FLNB: variants seen among roughly 807,000 people sequenced by gnomAD.
FLNB encodes the protein filamin B, also known as filamin-B.
A neutral mutation model predicts 250.6 loss-of-function variants in FLNB; 111 were observed. That is an observed-to-expected ratio of 0.44 (90% CI 0.38 to 0.52). The LOEUF (loss-of-function observed/expected upper bound fraction) is 0.52, where lower values mean the gene tolerates loss of function less well. Ranked by LOEUF, FLNB falls within the 20% of genes least tolerant of loss-of-function variation. The pLI is 0.00. For missense variants in FLNB, 2,869 were observed against 3,447.8 expected (o/e 0.83, Z 4.20); for synonymous variants, 1,302 against 1,372.1 (o/e 0.95, Z 1.13).
chr3:58,056,101 A>ATTTT lies in FLNB; in HGVS notation c.293-20942_293-20941insTTTT, dbSNP rs1170400791. On this transcript the variant is annotated intron_variant, in intron 1 of 45. Coordinates refer to ENST00000295956, the MANE Select transcript of FLNB (RefSeq NM_001457.4). ...TATTTATTTATTTATTTATTTATTTATTTATTTTTTTTTTTTTTGAGGTGG... is the reference window on the plus strand; with the variant it reads ...TATTTATTTATTTATTTATTTATTTATTTTTTTATTTTTTTTTTTTTTGAGGTGG... Among the ~76,000 whole-genome samples the ATTTT allele has an allele frequency of 6.9e-5, 9 of 131,182 alleles. No individual in the cohort carries two copies. In the East Asian group the frequency reaches 8.0e-4, roughly 12 times the overall value. 86.1% of individuals were successfully genotyped at this position (131,182 alleles called of 152,430 possible). A position where few individuals can be genotyped will look rare whatever the true frequency, so the allele number is the denominator to read the frequency against.
In FLNB at chr3:58,126,753, C is replaced by A. The variant is rs1300954475; in HGVS notation, c.4213C>A (p.His1405Asn). The A allele has an allele frequency of 7.4e-6, 12 of 1,613,482 alleles. No individual in the cohort carries two copies. The highest frequency in any genetic ancestry group is 1.0e-5 in the Non-Finnish European group (12 of 1,179,638). The change falls in exon 24 of 46, where the codon CAC becomes AAC. Residue 1405 changes from histidine to asparagine, a missense_variant. Coordinates refer to ENST00000295956, the MANE Select transcript of FLNB (RefSeq NM_001457.4). ...TGTTAATATCACATATGGAGGAGCCCACATCCCCGGTGAGCTATTCCTCAG... is the reference window on the plus strand; with the variant it reads ...TGTTAATATCACATATGGAGGAGCCAACATCCCCGGTGAGCTATTCCTCAG... Reference protein sequence around the residue: ...YDVNITYGGAHIPGSPFRVPV... With the variant: ...YDVNITYGGANIPGSPFRVPV...
Position 58,169,183 on chromosome 3 carries a change from A to C in FLNB, c.7418-407A>C. 2 of 273,648 alleles carry C rather than the reference A, an allele frequency of 7.3e-6. No individual in the cohort carries two copies. Among genetic ancestry groups the C allele is most frequent in the Non-Finnish European group, 1.4e-5 (2 of 142,482 alleles). 17.0% of individuals were successfully genotyped at this position (273,648 alleles called of 1,614,324 possible). A position where few individuals can be genotyped will look rare whatever the true frequency, so the allele number is the denominator to read the frequency against. On this transcript the variant is annotated intron_variant, in intron 44 of 45. Transcript: ENST00000295956. The surrounding 1 kb of genome is among the most constrained non-coding windows in gnomAD (Gnocchi z 4.8). The stretch of plus-strand genomic sequence containing the variant: ...CAGGAAAATTAGAAAATTCAGATAG[A>C]AAAATCATCCTTTCTCATCCACAGA...
chr3:58,061,776 G>A lies in FLNB; in HGVS notation c.293-15270G>A, dbSNP rs570099262. On this transcript the variant is annotated intron_variant, in intron 1 of 45. Transcript: ENST00000295956. ...AAAAAAAAAAAAAAAAGTAACATAT[G>A]TAGTTTAAATTTTAAAAATTAAATT... Among the ~76,000 whole-genome samples the A allele has an allele frequency of 1.6e-3, 239 of 148,518 alleles. 1 individual carries two copies. The highest frequency in any genetic ancestry group is 0.014 in the Admixed American group (213 of 14,854).
chr3:58,167,649 C>A (rs1316249368), intron 43 of FLNB, among the ~76,000 whole-genome samples: 1 of 152,248 alleles, frequency 6.6e-6, no homozygotes, highest in East Asian at 1.9e-4. Flanking sequence ...AGCTCCACTG[C>A]CCATCCAGGG....
At chr3:58,146,114 T>C (rs1575456827) in intron 33 of FLNB, 65 bp downstream of exon 33, 2 of 1,586,224 alleles carry the variant, frequency 1.3e-6, no homozygotes, top group East Asian at 4.5e-5. Context: ...GTGGACACGG[T>C]TCCAGGGTGG....
intron 1 of FLNB, among the ~76,000 whole-genome samples, chr3:58,040,259 C>T (rs369807353): frequency 5.9e-5 from 9 of 152,324 alleles, no homozygotes; most frequent in South Asian, 2.1e-4. Context: ...CCTGACCCAG[C>T]GAGCCAAAGC....
chr3:58,169,637 C>T lies in FLNB; in HGVS notation c.7465C>T (p.Leu2489=). Residue 2489 remains leucine, a synonymous_variant, in exon 45 of 46, where the codon CTG becomes TTG. Transcript: ENST00000295956. This position sits in a 1 kb window ranked among gnomAD's most constrained non-coding sequence, Gnocchi z 4.8. The part of the protein sequence containing the change: ...PGSANETSSI[L]VESVTRSSTE... ...CTCAGCCAACGAGACCTCATCCATC[C>T]TGGTGGAGTCAGTGACCAGGTCGTC... The T allele has an allele frequency of 6.2e-7, 1 of 1,614,180 alleles. No homozygotes were observed. The highest frequency in any genetic ancestry group is 1.1e-5 in the South Asian group (1 of 91,082).
chr3:58,080,986 G>A (rs1000372083), intron 3 of FLNB, among the ~76,000 whole-genome samples: 1 of 151,650 alleles, frequency 6.6e-6, no homozygotes, highest in Non-Finnish European at 1.5e-5. Context: ...TAGAGACTGG[G>A]TTTTACCATG....
intron 1 of FLNB, among the ~76,000 whole-genome samples, chr3:58,070,313 G>A (rs2097192273): frequency 6.6e-6 from 1 of 152,116 alleles, no homozygotes; most frequent in Admixed American, 6.5e-5. Flanking sequence ...CAAAGTGCCA[G>A]GATTACAGGC....
intron 16 of FLNB, among the ~76,000 whole-genome samples, chr3:58,111,393 CT>C (rs577173464): frequency 1.3e-4 from 20 of 152,328 alleles, no homozygotes; most frequent in African/African-American, 4.8e-4. Flanking sequence ...ATCATTCTGT[CT>C]CTGATCACTT....
At position 58,141,725 on chromosome 3, in the gene FLNB, G is replaced by A. The variant is rs529484691; in HGVS notation, c.5110-133G>A. Reference sequence around the variant, plus strand: ...TGCCTTCCAAAAGGGCAGTAAGAAAGTGTCCTTCGCTAGAGTGAGTGGCTC... The same window carrying A: ...TGCCTTCCAAAAGGGCAGTAAGAAAATGTCCTTCGCTAGAGTGAGTGGCTC... On this transcript the variant is annotated intron_variant, in intron 29 of 45. Transcript: ENST00000295956. 285 of 852,910 alleles carry A rather than the reference G, an allele frequency of 3.3e-4. No individual in the cohort carries two copies. In the African/African-American group the frequency reaches 4.3e-3, roughly 13 times the overall value. The allele number at this position is 852,910 out of a possible 1,614,324, so 52.8% of individuals were successfully genotyped here. A position where few individuals can be genotyped will look rare whatever the true frequency, so the allele number is the denominator to read the frequency against.
At chr3:58,023,638 C>T (rs2097117937) in intron 1 of FLNB, among the ~76,000 whole-genome samples, 1 of 152,144 alleles carries the variant, frequency 6.6e-6, no homozygotes, top group Non-Finnish European at 1.5e-5. Flanking sequence ...TAATTTTGGT[C>T]ATACTGATGG....
chr3:58,016,684 C>T (rs1466878869), intron 1 of FLNB, among the ~76,000 whole-genome samples: 1 of 151,904 alleles, frequency 6.6e-6, no homozygotes, highest in Non-Finnish European at 1.5e-5. Flanking sequence ...GTTTGTGTTT[C>T]TACATTTAGT....
rs146499147 is a variant in FLNB, at chr3:58,123,449, G to A, written c.3483G>A (p.Ala1161=). 3.9e-5 allele frequency: 62 copies of A among 1,609,874 alleles called. No individual in the cohort carries two copies. The African/African-American group carries it at 5.7e-4, about 15-fold the overall frequency. The change falls in exon 21 of 46, where the codon GCG becomes GCA. Residue 1161 remains alanine, a synonymous_variant. Coordinates refer to ENST00000295956, the MANE Select transcript of FLNB (RefSeq NM_001457.4). The stretch of plus-strand genomic sequence containing the variant: ...TCCTTAGCGTCGACTGCTCGGAAGC[G>A]GGACCGGGGGCCCTGGGCCTGGAAG... The part of the protein sequence containing the change: ...AGLLSVDCSE[A]GPGALGLEAV...
intron 1 of FLNB, 106 bp from the exon 2 acceptor site, chr3:58,076,940 A>C: frequency 7.7e-7 from 1 of 1,294,554 alleles, no homozygotes; most frequent in Non-Finnish European, 1.1e-6. Flanking sequence ...TAAATATCTC[A>C]GTATGGTTCT....
intron 1 of FLNB, among the ~76,000 whole-genome samples, chr3:58,031,387 C>T (rs2686636): frequency 0.75 from 112,763 of 150,672 alleles, 43,181 homozygotes; most frequent in East Asian, 0.95. Context: ...GGACTACAGG[C>T]GCCCGCCACC....
intron 1 of FLNB, among the ~76,000 whole-genome samples, chr3:58,023,491 C>A (rs1268539187): frequency 6.6e-6 from 1 of 152,168 alleles, no homozygotes; most frequent in African/African-American, 2.4e-5. Flanking sequence ...AGAAAAAAAT[C>A]ACCTGTGAAG....
At chr3:58,129,310 C>T (rs1033787155) in intron 24 of FLNB, among the ~76,000 whole-genome samples, 3 of 152,150 alleles carry the variant, frequency 2.0e-5, no homozygotes, top group African/African-American at 7.2e-5. Flanking sequence ...TGTGTCTGGG[C>T]ATGGAACAGG....
At chr3:58,098,587 C>T in intron 7 of FLNB, 124 bp from the exon 8 acceptor site, 1 of 846,032 alleles carries the variant, frequency 1.2e-6, no homozygotes, top group East Asian at 2.6e-5. Context: ...CCCACCTCGG[C>T]CTCTCGAAGT....
Sources: allele counts gnomAD v4.1 joint callset (sites outside exome capture counted in the v4.1 genomes callset), GRCh38; gene constraint gnomAD v4.1.1; non-coding constraint Gnocchi (gnomAD v3.1); transcripts MANE v1.5; gene names NCBI Gene and HGNC (gene_info 2026-07-23, HGNC 2026-07-21).